The following UFD1 variants were observed in gnomAD, a reference collection of about 807,000 sequenced individuals.
UFD1 encodes the protein ubiquitin recognition factor in ER associated degradation 1, also known as ubiquitin recognition factor in ER-associated degradation protein 1.
UFD1 carries 13 observed loss-of-function variants against 45.9 expected under a neutral mutation model. The observed-to-expected ratio is 0.28, with a 90% CI of 0.18 to 0.45. The LOEUF (loss-of-function observed/expected upper bound fraction) is 0.45, where lower values mean the gene tolerates loss of function less well. Ranked by LOEUF, UFD1 falls within the 20% of genes least tolerant of loss-of-function variation. The pLI, the probability that UFD1 is intolerant of heterozygous loss-of-function variation, is 1.00. For synonymous variants in UFD1, 128 were observed against 139.2 expected (o/e 0.92, Z 0.56); for missense variants, 218 against 389.2 (o/e 0.56, Z 3.70).
intron 5 of UFD1, chr22:19,467,183 C>T (rs1002568092): frequency 1.3e-5 from 2 of 148,544 alleles, no homozygotes; most frequent in Non-Finnish European, 3.0e-5. Flanking sequence ...TTCAAGTATG[C>T]ATTAAAAAAA....
intron 11 of UFD1, chr22:19,453,117 A>G (rs2089696075): frequency 1.4e-5 from 14 of 985,292 alleles, no homozygotes; most frequent in South Asian, 1.4e-4. Context: ...ACTGGAGTCG[A>G]GCCTCCAGCC....
chr22:19,460,675 T>TA (rs2089759488), intron 6 of UFD1, among the ~76,000 whole-genome samples: 1 of 152,032 alleles, frequency 6.6e-6, no homozygotes, highest in Admixed American at 6.6e-5. Flanking sequence ...GTGTGGAGGT[T>TA]ATGACAATGC....
chr22:19,451,303 G>A, intron 11 of UFD1: 4 of 985,494 alleles, frequency 4.1e-6, no homozygotes, highest in African/African-American at 1.7e-5. Context: ...ATTCCATGAT[G>A]TAGGAGGGCC....
rs770915077 is a variant in UFD1 at position 19,456,883 on chromosome 22, G to A, written c.600C>T (p.Pro200=). ...ACTCCTCATGCTGGACTTGTCTTTCGGGTTCTTTGTAGCCCAGGGGAGCAT... is the reference window on the plus strand; with the variant it reads ...ACTCCTCATGCTGGACTTGTCTTTCAGGTTCTTTGTAGCCCAGGGGAGCAT... The part of the protein sequence containing the change: ...DFDAPLGYKE[P]ERQVQHEEST... The change falls in exon 8 of 12, where the codon CCC becomes CCT. Residue 200 remains proline (P), a synonymous_variant. Coordinates refer to ENST00000263202, the MANE Select transcript of UFD1 (RefSeq NM_005659.7). 1.4e-5 allele frequency: 22 copies of A among 1,611,108 alleles called. No individual in the cohort carries two copies. Among genetic ancestry groups the A allele is most frequent in the Non-Finnish European group, 1.8e-5 (21 of 1,178,510 alleles).
chr22:19,466,791 C>A (rs190063959), intron 5 of UFD1: 1 of 152,298 alleles, frequency 6.6e-6, no homozygotes, highest in Non-Finnish European at 1.5e-5. Context: ...GACCGTGCCA[C>A]TGCACTCCAA....
intron 11 of UFD1, chr22:19,451,061 G>A (rs2146283266): frequency 4.9e-6 from 5 of 1,025,980 alleles, no homozygotes; most frequent in Non-Finnish European, 5.9e-6. Context: ...GCCATAGTGA[G>A]CTATGATTGT....
rs2089927199 is a variant in UFD1, at chr22:19,479,157, A to AGC, written c.-74_-73dup. ...AAGAAACCCCGCCGACCGCTCTCCC[A>AGC]GCCGCCGCTGCCGCTGCCGCCGCGC... On this transcript the variant is annotated 5_prime_UTR_variant, in exon 1 of 12. Transcript: ENST00000263202. 6.3e-7 allele frequency: 1 copy of AGC among 1,578,038 alleles called. No individual in the cohort carries two copies. Among genetic ancestry groups the AGC allele is most frequent in the African/African-American group, 1.4e-5 (1 of 73,886 alleles).
intron 3 of UFD1, among the ~76,000 whole-genome samples, chr22:19,472,047 GTTCA>G (rs2089850294): frequency 6.6e-6 from 1 of 152,218 alleles, no homozygotes; most frequent in Non-Finnish European, 1.5e-5. Context: ...AAAGTGATGT[GTTCA>G]TTCATTTATT....
chr22:19,478,436 T>C (rs984688555), intron 1 of UFD1, among the ~76,000 whole-genome samples: 1 of 152,252 alleles, frequency 6.6e-6, no homozygotes, highest in African/African-American at 2.4e-5. Context: ...AAAGTACCTC[T>C]GTAAACGTTA....
chr22:19,477,884 A>C (rs1168758523), intron 1 of UFD1, among the ~76,000 whole-genome samples: 1 of 152,166 alleles, frequency 6.6e-6, no homozygotes, highest in Non-Finnish European at 1.5e-5. Context: ...ACTCCCTGGC[A>C]CTCTAACACA....
At position 19,479,172 on chromosome 22, in the gene UFD1, T is replaced by G. The variant is rs963407580; in HGVS notation, c.-87A>C. The G allele has an allele frequency of 7.0e-6, 11 of 1,572,076 alleles. No homozygotes were observed. The highest frequency in any genetic ancestry group is 1.2e-5 in the South Asian group (1 of 86,444). On this transcript the variant is annotated 5_prime_UTR_variant, in exon 1 of 12. Transcript: ENST00000263202. ...CCGCTCTCCCAGCCGCCGCTGCCGCTGCCGCCGCGCCAAGCCGGTACGCCC... is the reference window on the plus strand; with the variant it reads ...CCGCTCTCCCAGCCGCCGCTGCCGCGGCCGCCGCGCCAAGCCGGTACGCCC...
chr22:19,471,358 T>C (rs1451021559), intron 4 of UFD1: 4 of 590,560 alleles, frequency 6.8e-6, no homozygotes, highest in Admixed American at 5.6e-5. Context: ...AACACCCTAC[T>C]TACTAGACCA....
rs764197157 is a variant in UFD1 at position 19,456,497 on chromosome 22, A to T, written c.678+90T>A. The stretch of plus-strand genomic sequence containing the variant: ...AGAGGCCTAACCCCTGCTGATGTCC[A>T]TCGAGCATCATGGAGAACACCTTGA... On this transcript the variant is annotated intron_variant, in intron 9 of 11. Transcript: ENST00000263202. The T allele has an allele frequency of 1.1e-4, 175 of 1,559,184 alleles. 1 individual carries two copies. Among genetic ancestry groups the T allele is most frequent in the Non-Finnish European group, 1.5e-4 (165 of 1,130,568 alleles).
intron 1 of UFD1, among the ~76,000 whole-genome samples, chr22:19,476,106 C>A (rs1387912013): frequency 2.0e-5 from 3 of 152,132 alleles, no homozygotes; most frequent in Non-Finnish European, 4.4e-5. Context: ...AACGGACACA[C>A]ACACATGTGT....
At chr22:19,457,297 C>T (rs1429899042) in intron 7 of UFD1, among the ~76,000 whole-genome samples, 2 of 152,214 alleles carry the variant, frequency 1.3e-5, no homozygotes, top group Non-Finnish European at 2.9e-5. Context: ...CCATACCCAG[C>T]TGTCTCCCAG....
At position 19,450,657 on chromosome 22, in the gene UFD1, C is replaced by A; in HGVS notation, c.*13G>T. Reference sequence around the variant, plus strand: ...ATTCTTTTATTATTTTCCAATCAGCCAACAGTCCTCACTTAGGGCTTTCTT... The same window carrying A: ...ATTCTTTTATTATTTTCCAATCAGCAAACAGTCCTCACTTAGGGCTTTCTT... On this transcript the variant is annotated 3_prime_UTR_variant, in exon 12 of 12. Coordinates refer to ENST00000263202, the MANE Select transcript of UFD1 (RefSeq NM_005659.7). 1 of 1,614,028 alleles carries A rather than the reference C, an allele frequency of 6.2e-7. No individual in the cohort carries two copies. The highest frequency in any genetic ancestry group is 1.7e-5 in the Admixed American group (1 of 60,016).
At chr22:19,461,864 T>C (rs2089769719) in intron 6 of UFD1, among the ~76,000 whole-genome samples, 1 of 152,128 alleles carries the variant, frequency 6.6e-6, no homozygotes, top group Non-Finnish European at 1.5e-5. Context: ...CTCTAGGAAA[T>C]AATTTATCAA....
chr22:19,471,007 G>A (rs1259506357), intron 4 of UFD1, among the ~76,000 whole-genome samples: 2 of 152,222 alleles, frequency 1.3e-5, no homozygotes, highest in Non-Finnish European at 2.9e-5. Flanking sequence ...GAGCTGGGGA[G>A]AGGAGTGAGG....
chr22:19,454,094 G>A, intron 11 of UFD1: 1 of 985,768 alleles, frequency 1.0e-6, no homozygotes. Context: ...TGAAGTTCAA[G>A]GTCTCTGTTG....
Sources: gnomAD v4.1 joint callset for allele counts (sites outside exome capture counted in the v4.1 genomes callset) on GRCh38, gnomAD v4.1.1 for gene constraint, MANE v1.5 for transcripts, NCBI Gene and HGNC (gene_info 2026-07-23, HGNC 2026-07-21) for gene names.